KPNA7: variants seen among roughly 807,000 people sequenced by gnomAD.
KPNA7 encodes importin subunit alpha-8.
In KPNA7, 54 loss-of-function variants were observed where a neutral mutation model predicts 53.7. That is an observed-to-expected ratio of 1.01 (90% confidence interval 0.81 to 1.26). The LOEUF is 1.26. Ranked by LOEUF, KPNA7 falls within the 50% of genes most tolerant of loss-of-function variation. The pLI, the probability that KPNA7 is intolerant of heterozygous loss-of-function variation, is 0.00. For missense variants in KPNA7, 640 were observed against 644.5 expected (o/e 0.99, Z 0.07); for synonymous variants, 276 against 259.3 (o/e 1.06, Z -0.62).
intron 1 of KPNA7, among the ~76,000 whole-genome samples, chr7:99,213,978 T>TA (rs1791139829): frequency 6.6e-6 from 1 of 152,128 alleles, no homozygotes; most frequent in African/African-American, 2.4e-5. Context: ...AATACTAAGG[T>TA]AAAAATATCC....
At chr7:99,207,613 C>CTTTTTTTTTTTTTTT (rs754881370) in intron 1 of KPNA7, 124 bp from the exon 2 acceptor site, 2 of 118,254 alleles carry the variant, frequency 1.7e-5, no homozygotes, top group African/African-American at 6.5e-5. Flanking sequence ...AGGAAGCTAG[C>CTTTTTTTTTTTTTTT]TTTTTTTTTT....
chr7:99,179,660 C>A (rs889398285), intron 9 of KPNA7, among the ~76,000 whole-genome samples: 1 of 151,996 alleles, frequency 6.6e-6, no homozygotes, highest in Admixed American at 6.6e-5. Flanking sequence ...TCTTGGCTCA[C>A]TGCAACCTCC....
chr7:99,168,079 AAAC>A, the KPNA7 span, among the ~76,000 whole-genome samples: 5 of 150,652 alleles, frequency 3.3e-5, no homozygotes, highest in African/African-American at 7.3e-5. Context: ...ACCAAGTCTA[AAAC>A]AACACTCTTG....
At chr7:99,185,345 T>TTTTA (rs1165441218) in intron 7 of KPNA7, among the ~76,000 whole-genome samples, 183 bp from the exon 8 acceptor site, 14 of 152,146 alleles carry the variant, frequency 9.2e-5, no homozygotes, top group East Asian at 1.9e-4. Flanking sequence ...TTAATTTATT[T>TTTTA]TTTATTTATT....
chr7:99,206,199 T>C (rs1790805369), intron 2 of KPNA7, among the ~76,000 whole-genome samples: 1 of 152,064 alleles, frequency 6.6e-6, no homozygotes, highest in African/African-American at 2.4e-5. Flanking sequence ...TCTCACACTG[T>C]CGCCTGGATG....
At chr7:99,157,596 T>C in the KPNA7 span, among the ~76,000 whole-genome samples, 4 of 152,242 alleles carry the variant, frequency 2.6e-5, no homozygotes, top group African/African-American at 9.6e-5. Flanking sequence ...ATTTCTTCTA[T>C]ACATCTGTGT....
At chr7:99,218,537 G>T (rs1791268527) in intron 1 of KPNA7, among the ~76,000 whole-genome samples, 1 of 152,146 alleles carries the variant, frequency 6.6e-6, no homozygotes, top group African/African-American at 2.4e-5. Context: ...CCCACTATGT[G>T]GTTAGACTCA....
Position 99,205,846 on chromosome 7 carries a change from A to C in KPNA7, c.66+1555T>G, listed in dbSNP as rs145892682. 7.3e-4 allele frequency among the ~76,000 whole-genome samples: 111 copies of C among 152,310 alleles called. 2 individuals are homozygous for C. The East Asian group carries it at 0.01, about 14-fold the overall frequency. ...AGCCTGGACTATGAAGCAAGTCTTC[A>C]TCTCAAAAATAAAAAGATACAGAGA... On this transcript the variant is annotated intron_variant, in intron 2 of 10. Coordinates refer to ENST00000327442, the MANE Select transcript of KPNA7 (RefSeq NM_001145715.3).
chr7:99,180,296 G>A (rs1393881883), intron 9 of KPNA7, among the ~76,000 whole-genome samples: 1 of 152,138 alleles, frequency 6.6e-6, no homozygotes, highest in Non-Finnish European at 1.5e-5. Context: ...GAACCCAGGA[G>A]TTAGAGAACA....
chr7:99,171,093 G>A (rs372238637), downstream of KPNA7, among the ~76,000 whole-genome samples: 2 of 152,128 alleles, frequency 1.3e-5, no homozygotes, highest in Non-Finnish European at 1.5e-5. Context: ...GTTCGCGGGC[G>A]CCCGTGATCC....
chr7:99,171,445 C>T (rs1431071603), downstream of KPNA7, among the ~76,000 whole-genome samples: 1 of 151,392 alleles, frequency 6.6e-6, no homozygotes, highest in Non-Finnish European at 1.5e-5. Context: ...CCTCCTCATG[C>T]GATCGTTTGT....
the KPNA7 span, among the ~76,000 whole-genome samples, chr7:99,163,383 A>ATATATATATAT: frequency 2.5e-5 from 1 of 40,816 alleles, no homozygotes; most frequent in Non-Finnish European, 4.2e-5. Context: ...ATATATATAT[A>ATATATATATAT]TTTTTTTTTT....
intron 10 of KPNA7, among the ~76,000 whole-genome samples, chr7:99,176,222 C>CA (rs1239383769): frequency 1.4e-5 from 2 of 147,872 alleles, no homozygotes; most frequent in Non-Finnish European, 3.0e-5. Flanking sequence ...GACGTGAACC[C>CA]AGGAGGTGGA....
chr7:99,169,956 C>A (rs1314227113), downstream of KPNA7, among the ~76,000 whole-genome samples: 1 of 151,832 alleles, frequency 6.6e-6, no homozygotes, highest in Non-Finnish European at 1.5e-5. Flanking sequence ...CAGGAGAAGT[C>A]ACTTGAACCC....
At chr7:99,150,868 G>A in the KPNA7 span, among the ~76,000 whole-genome samples, 1 of 152,146 alleles carries the variant, frequency 6.6e-6, no homozygotes, top group African/African-American at 2.4e-5. Context: ...TGCATCTGCA[G>A]AGTATTTAAA....
intron 1 of KPNA7, among the ~76,000 whole-genome samples, chr7:99,216,908 T>C (rs1791234218): frequency 6.6e-6 from 1 of 152,118 alleles, no homozygotes; most frequent in Non-Finnish European, 1.5e-5. Context: ...ATTATGGACT[T>C]CCAGGTCTTA....
At chr7:99,157,498 T>C in the KPNA7 span, among the ~76,000 whole-genome samples, 1 of 152,226 alleles carries the variant, frequency 6.6e-6, no homozygotes. Flanking sequence ...CATGAGCCAC[T>C]GCGCCCAGCC....
At chr7:99,183,843 GTTT>G (rs1267983323) in intron 8 of KPNA7, among the ~76,000 whole-genome samples, 1 of 152,010 alleles carries the variant, frequency 6.6e-6, no homozygotes, top group Non-Finnish European at 1.5e-5. Context: ...GAGAAATAAT[GTTT>G]TTTTGTTTTT....
the KPNA7 span, among the ~76,000 whole-genome samples, chr7:99,154,760 C>T: frequency 2.0e-5 from 3 of 151,776 alleles, no homozygotes; most frequent in Non-Finnish European, 1.5e-5. Flanking sequence ...CTCCTGACCT[C>T]ATGAACCGCC....
Sources: gnomAD v4.1 joint callset for allele counts (sites outside exome capture counted in the v4.1 genomes callset) on GRCh38, gnomAD v4.1.1 for gene constraint, MANE v1.5 for transcripts, NCBI Gene and HGNC (gene_info 2026-07-23, HGNC 2026-07-21) for gene names.